ADAMTS17: variants seen among roughly 807,000 people sequenced by gnomAD.
The protein encoded by ADAMTS17 is ADAM metallopeptidase with thrombospondin type 1 motif 17, also known as A disintegrin and metalloproteinase with thrombospondin motifs 17.
Under a neutral mutation model 141.5 loss-of-function variants are expected in ADAMTS17, and 113 were observed. The observed-to-expected ratio is 0.80, with a 90% CI of 0.69 to 0.93. The LOEUF (loss-of-function observed/expected upper bound fraction) is 0.93, where lower values mean the gene tolerates loss of function less well. ADAMTS17 is among the 40% of genes least tolerant of loss of function. The pLI is 0.00. For synonymous variants in ADAMTS17, 768 were observed against 630.6 expected, an observed-to-expected ratio of 1.22 and a Z score of -3.27; for missense variants, 1,659 against 1,517.9, an observed-to-expected ratio of 1.09 and a Z score of -1.54.
chr15:100,019,821 G>C (rs888871694), intron 18 of ADAMTS17, among the ~76,000 whole-genome samples: 1 of 152,150 alleles, frequency 6.6e-6, no homozygotes, highest in African/African-American at 2.4e-5. Flanking sequence ...GTGGTTCTGA[G>C]CCTAAGCTCC....
intron 3 of ADAMTS17, among the ~76,000 whole-genome samples, chr15:100,319,618 G>A (rs2045669630): frequency 6.6e-6 from 1 of 152,230 alleles, no homozygotes; most frequent in South Asian, 2.1e-4. Context: ...GCTGAGGCAA[G>A]AGAATCGCTT....
At chr15:100,251,658 A>G (rs906990868) in intron 7 of ADAMTS17, among the ~76,000 whole-genome samples, 2 of 152,236 alleles carry the variant, frequency 1.3e-5, no homozygotes, top group African/African-American at 4.8e-5. Flanking sequence ...CGGGAGCCAG[A>G]ACCCGGGAGG....
chr15:100,165,335 A>G (rs1246987713), intron 8 of ADAMTS17, among the ~76,000 whole-genome samples: 1 of 152,200 alleles, frequency 6.6e-6, no homozygotes. Flanking sequence ...ATGAGCACCT[A>G]GGTCTATGTA....
intron 3 of ADAMTS17, among the ~76,000 whole-genome samples, chr15:100,313,164 C>G (rs1311657640): frequency 6.6e-6 from 1 of 152,160 alleles, no homozygotes; most frequent in Non-Finnish European, 1.5e-5. Context: ...AGCTTCCATA[C>G]TTCTTTTCAT....
At chr15:100,069,079 A>G (rs976669325) in intron 15 of ADAMTS17, among the ~76,000 whole-genome samples, 12 of 152,264 alleles carry the variant, frequency 7.9e-5, no homozygotes, top group Non-Finnish European at 1.5e-4. Context: ...CCAAGCCATG[A>G]GAACTACGTG....
chr15:100,073,546 A>T (rs1198825348), intron 15 of ADAMTS17, among the ~76,000 whole-genome samples: 2 of 152,112 alleles, frequency 1.3e-5, no homozygotes, highest in African/African-American at 2.4e-5. Flanking sequence ...GGATTAAAAA[A>T]ATGTGGCACA....
intron 7 of ADAMTS17, among the ~76,000 whole-genome samples, chr15:100,245,978 C>T (rs759639135): frequency 6.6e-6 from 1 of 151,926 alleles, no homozygotes; most frequent in African/African-American, 2.4e-5. Flanking sequence ...GTCACTATCT[C>T]TAAGTGGTGC....
At chr15:100,242,472 A>G (rs2042856800) in intron 7 of ADAMTS17, among the ~76,000 whole-genome samples, 1 of 152,128 alleles carries the variant, frequency 6.6e-6, no homozygotes, top group African/African-American at 2.4e-5. Flanking sequence ...CCTAATCTCT[A>G]CTGGCATGTC....
intron 12 of ADAMTS17, among the ~76,000 whole-genome samples, chr15:100,129,911 C>T (rs2037948291): frequency 6.6e-6 from 1 of 152,176 alleles, no homozygotes; most frequent in Non-Finnish European, 1.5e-5. Flanking sequence ...GGGTCAGGCC[C>T]AATGCCATGA....
At position 100,132,165 on chromosome 15, in the gene ADAMTS17, G is replaced by A. The variant is rs756206189; in HGVS notation, c.1576-13C>T. The A allele has an allele frequency of 1.2e-5, 20 of 1,611,514 alleles. No individual in the cohort carries two copies. The highest frequency in any genetic ancestry group is 1.7e-4 in the Middle Eastern group (1 of 6,032). Reference sequence around the variant, plus strand: ...CCGCGCGGCACCACTGAAACACAGCGGGGAGGGTCGGGGCCCAGGCACTCA... The same window carrying A: ...CCGCGCGGCACCACTGAAACACAGCAGGGAGGGTCGGGGCCCAGGCACTCA... On this transcript the variant is annotated splice_polypyrimidine_tract_variant and intron_variant, in intron 11 of 21. Transcript: ENST00000268070.
chr15:100,258,597 G>T (rs1567442876), intron 6 of ADAMTS17, among the ~76,000 whole-genome samples: 1 of 152,084 alleles, frequency 6.6e-6, no homozygotes, highest in Non-Finnish European at 1.5e-5. Flanking sequence ...TATATAATCA[G>T]ATCTTGTGAG....
intron 4 of ADAMTS17, among the ~76,000 whole-genome samples, chr15:100,278,590 G>A (rs886646942): frequency 2.4e-4 from 37 of 152,308 alleles, no homozygotes; most frequent in South Asian, 4.1e-4. Context: ...GAGTGCTGCC[G>A]AAGCAGCCTC....
chr15:100,321,531 C>G (rs934803182), intron 3 of ADAMTS17, among the ~76,000 whole-genome samples: 2 of 152,074 alleles, frequency 1.3e-5, no homozygotes, highest in African/African-American at 4.8e-5. Flanking sequence ...CAAACATTTA[C>G]CAAAATAAAA....
chr15:100,239,852 G>T (rs1465340952), intron 7 of ADAMTS17, among the ~76,000 whole-genome samples: 2 of 152,128 alleles, frequency 1.3e-5, no homozygotes, highest in Non-Finnish European at 2.9e-5. Flanking sequence ...GTGGAGGGAT[G>T]GTGAGCCCTC....
At chr15:100,014,115 G>T (rs531288560) in intron 18 of ADAMTS17, among the ~76,000 whole-genome samples, 1 of 152,008 alleles carries the variant, frequency 6.6e-6, no homozygotes, top group East Asian at 1.9e-4. Flanking sequence ...AAGCTAGAAG[G>T]GTTGTATTTT....
intron 12 of ADAMTS17, among the ~76,000 whole-genome samples, chr15:100,118,947 G>A (rs143363072): frequency 9.5e-4 from 144 of 152,024 alleles, no homozygotes; most frequent in African/African-American, 3.4e-3. Context: ...GGGTCAACAG[G>A]GCACAGACAA....
At chr15:100,261,111 T>C (rs2043499907) in intron 6 of ADAMTS17, among the ~76,000 whole-genome samples, 1 of 152,088 alleles carries the variant, frequency 6.6e-6, no homozygotes, top group African/African-American at 2.4e-5. Flanking sequence ...TGACCCTATG[T>C]GGAAAAAGGG....
At chr15:100,037,795 G>C (rs367798074) in intron 18 of ADAMTS17, among the ~76,000 whole-genome samples, 8 of 151,730 alleles carry the variant, frequency 5.3e-5, no homozygotes, top group Admixed American at 3.3e-4. Context: ...CTTTTTTTGA[G>C]ACAAGGTCTC....
intron 12 of ADAMTS17, 124 bp from the exon 13 acceptor site, chr15:100,117,137 C>A: frequency 1.8e-6 from 2 of 1,142,506 alleles, no homozygotes; most frequent in Admixed American, 2.0e-5. Context: ...AAAGCCACCC[C>A]CTCTCTGCTG....
Sources: gnomAD v4.1 joint callset for allele counts (sites outside exome capture counted in the v4.1 genomes callset) on GRCh38, gnomAD v4.1.1 for gene constraint, MANE v1.5 for transcripts, NCBI Gene and HGNC (gene_info 2026-07-23, HGNC 2026-07-21) for gene names.